HMMR: variants seen among roughly 807,000 people sequenced by gnomAD.
HMMR encodes intracellular hyaluronic acid-binding protein.
A neutral mutation model predicts 101.0 loss-of-function variants in HMMR; 108 were observed. The ratio of observed to expected loss-of-function variants is 1.07; its 90% confidence interval spans 0.92 to 1.25. HMMR has a LOEUF of 1.25. HMMR is among the 50% of genes most tolerant of loss of function. The probability of loss-of-function intolerance (pLI) is 0.00; values close to 1 mark genes in which losing one functional copy is unlikely to be tolerated. For synonymous variants in HMMR, 296 were observed against 276.4 expected (o/e 1.07, Z -0.70); for missense variants, 813 against 788.7 (o/e 1.03, Z -0.37).
At chr5:163,479,944 A>T (rs914044519) in intron 12 of HMMR, among the ~76,000 whole-genome samples, 4 of 152,164 alleles carry the variant, frequency 2.6e-5, no homozygotes, top group African/African-American at 9.7e-5. Flanking sequence ...ATGAATACCT[A>T]TATATTAATG....
intron 11 of HMMR, 65 bp from the exon 12 acceptor site, chr5:163,478,619 T>A: frequency 2.2e-6 from 2 of 906,916 alleles, no homozygotes; most frequent in Non-Finnish European, 1.9e-6. Flanking sequence ...AGGTAAATAC[T>A]ATTTTCTTTC....
At chr5:163,488,477 C>A (rs1249822071) in intron 16 of HMMR, among the ~76,000 whole-genome samples, 1 of 152,094 alleles carries the variant, frequency 6.6e-6, no homozygotes, top group Non-Finnish European at 1.5e-5. Context: ...GGGTACAGCT[C>A]CCCCTCCTTT....
intron 16 of HMMR, 36 bp downstream of exon 16, chr5:163,484,281 T>TG: frequency 8.9e-7 from 1 of 1,120,552 alleles, no homozygotes; most frequent in South Asian, 1.4e-5. Context: ...TTAAAGATAT[T>TG]GGAGTGGGGG....
At position 163,471,233 on chromosome 5, in the gene HMMR, T is replaced by G. The variant is rs998837479; in HGVS notation, c.511T>G (p.Leu171Val). ...GAATTTGAGAATTCTAAGCTTGGAG[T>G]TGATGAAACTTAGAAACAAAAGAGA... ...QKNLRILSLE[L>V]MKLRNKRETK... The change falls in exon 6 of 18, where the codon TTG becomes GTG. Residue 171 changes from leucine (L) to valine (V), a missense_variant. Leu to Val is a conservative substitution (Grantham distance 32, BLOSUM62 1). Coordinates refer to ENST00000393915, the MANE Select transcript of HMMR (RefSeq NM_001142556.2). 6 of 1,613,050 alleles carry G rather than the reference T, an allele frequency of 3.7e-6. No homozygotes were observed. The highest frequency in any genetic ancestry group is 4.2e-6 in the Non-Finnish European group (5 of 1,179,200).
Position 163,484,203 on chromosome 5 carries a change from G to A in HMMR, c.1920G>A (p.Lys640=). The change falls in exon 16 of 18, where the codon AAG becomes AAA. Residue 640 remains lysine (K), a synonymous_variant. Transcript: ENST00000393915. ...LGHQNLKQKI[K]HVVKLKDENS... ...ATCAGAATTTGAAACAAAAAATCAA[G>A]CATGTTGTGAAGTTGAAAGATGAAA... 6.2e-7 allele frequency: 1 copy of A among 1,602,994 alleles called. No homozygotes were observed. Among genetic ancestry groups the A allele is most frequent in the Non-Finnish European group, 8.5e-7 (1 of 1,175,456 alleles).
chr5:163,473,242 C>G lies in HMMR; in HGVS notation c.714C>G (p.Ile238Met), dbSNP rs373002206. The G allele has an allele frequency of 6.4e-7, 1 of 1,566,654 alleles. No homozygotes were observed. Among genetic ancestry groups the G allele is most frequent in the South Asian group, 1.1e-5 (1 of 89,052 alleles). The change falls in exon 8 of 18, where the codon ATC becomes ATG. Residue 238 changes from isoleucine (I) to methionine (M), a missense_variant. Physicochemically the swap from Ile to Met is conservative, Grantham distance 10. Coordinates refer to ENST00000393915, the MANE Select transcript of HMMR (RefSeq NM_001142556.2). ...KSETEKLLEYIEEISCASDQV... is the reference protein window; with the variant it reads ...KSETEKLLEYMEEISCASDQV... The stretch of plus-strand genomic sequence containing the variant: ...AAACAGAAAAACTCTTGGAATACAT[C>G]GAAGAAATTAGGTAATATGAGCAGT...
intron 5 of HMMR, among the ~76,000 whole-genome samples, chr5:163,470,548 G>A (rs1157160339): frequency 6.6e-6 from 1 of 152,070 alleles, no homozygotes; most frequent in Non-Finnish European, 1.5e-5. Context: ...GCTTGAACTC[G>A]GGAGGCTGAG....
intron 4 of HMMR, among the ~76,000 whole-genome samples, chr5:163,469,220 C>T (rs1344347933): frequency 4.0e-5 from 6 of 151,868 alleles, no homozygotes; most frequent in South Asian, 2.1e-4. Context: ...AAAAATTAGC[C>T]GGGTGTGGTG....
rs1202512576 is a variant in HMMR at position 163,471,345 on chromosome 5, G to A, written c.550-18G>A. 1.1e-5 allele frequency: 18 copies of A among 1,612,058 alleles called. No homozygotes were observed. The highest frequency in any genetic ancestry group is 1.5e-5 in the Non-Finnish European group (18 of 1,178,292). On this transcript the variant is annotated intron_variant, in intron 6 of 17. Coordinates refer to ENST00000393915, the MANE Select transcript of HMMR (RefSeq NM_001142556.2). ...TACAACTTTCTCATTTCCTAAAACA[G>A]GTATCTTTGTTGTGTAGGGTATGAT...
At chr5:163,479,354 T>C (rs1284860964) in intron 12 of HMMR, among the ~76,000 whole-genome samples, 4 of 152,200 alleles carry the variant, frequency 2.6e-5, no homozygotes, top group Non-Finnish European at 5.9e-5. Context: ...TATTAAAACA[T>C]GTTAATGTAC....
At chr5:163,490,702 G>A (rs10515860) in intron 17 of HMMR, 150 bp downstream of exon 17, 68,993 of 636,852 alleles carry the variant, frequency 0.11, 4,413 homozygotes, top group South Asian at 0.15. Flanking sequence ...TACAATGACT[G>A]TTTTCTTCCT....
Position 163,472,025 on chromosome 5 carries a change from C to T in HMMR, c.650+562C>T, listed in dbSNP as rs183248970. Among the ~76,000 whole-genome samples, 572 of 150,722 alleles carry T rather than the reference C, an allele frequency of 3.8e-3. 2 individuals are homozygous for T. Among genetic ancestry groups the T allele is most frequent in the African/African-American group, 5.5e-3 (226 of 40,770 alleles). ...CTTACATCATCATAAATTAGCTTTG[C>T]CTTTTTTTATTTATTATTATTATTA... On this transcript the variant is annotated intron_variant, in intron 7 of 17. Coordinates refer to ENST00000393915, the MANE Select transcript of HMMR (RefSeq NM_001142556.2).
At chr5:163,484,014 A>G in intron 15 of HMMR, 55 bp from the exon 16 acceptor site, 1 of 1,038,230 alleles carries the variant, frequency 9.6e-7, no homozygotes, top group Non-Finnish European at 1.4e-6. Flanking sequence ...TTTATATGAA[A>G]CTAGTAAGAT....
At chr5:163,473,006 A>G (rs1758944469) in intron 7 of HMMR, among the ~76,000 whole-genome samples, 173 bp from the exon 8 acceptor site, 1 of 152,180 alleles carries the variant, frequency 6.6e-6, no homozygotes, top group Non-Finnish European at 1.5e-5. Flanking sequence ...TAAAAATTTT[A>G]GTCTTCTATT....
chr5:163,474,328 T>G, intron 10 of HMMR, 123 bp downstream of exon 10: 1 of 719,546 alleles, frequency 1.4e-6, no homozygotes, highest in Non-Finnish European at 2.3e-6. Context: ...AGTCTTATCC[T>G]GAGGACATAA....
chr5:163,476,936 C>T (rs1267707125), intron 11 of HMMR, among the ~76,000 whole-genome samples: 1 of 152,080 alleles, frequency 6.6e-6, no homozygotes, highest in African/African-American at 2.4e-5. Flanking sequence ...GAGGCTGAGG[C>T]AGGAGAATTG....
At position 163,483,379 on chromosome 5, in the gene HMMR, A is replaced by C. The variant is rs1200623479; in HGVS notation, c.1785+12A>C. 7.2e-7 allele frequency: 1 copy of C among 1,390,368 alleles called. No individual in the cohort carries two copies. The highest frequency in any genetic ancestry group is 1.8e-5 in the Admixed American group (1 of 55,946). 86.1% of individuals were successfully genotyped at this position (1,390,368 alleles called of 1,614,324 possible). A position where few individuals can be genotyped will look rare whatever the true frequency, so the allele number is the denominator to read the frequency against. ...CAAAACCTTTTCAGGTTTGTCAGTT[A>C]GGAGTAAACTTACTTGTGTTTATTT... On this transcript the variant is annotated intron_variant, in intron 15 of 17. Coordinates refer to ENST00000393915, the MANE Select transcript of HMMR (RefSeq NM_001142556.2).
At chr5:163,467,955 A>G (rs1758754850) in intron 4 of HMMR, among the ~76,000 whole-genome samples, 1 of 152,236 alleles carries the variant, frequency 6.6e-6, no homozygotes, top group South Asian at 2.1e-4. Context: ...CAACGCCGAG[A>G]TTAAAGATAG....
chr5:163,477,365 T>C (rs1183557095), intron 11 of HMMR, among the ~76,000 whole-genome samples: 1 of 152,224 alleles, frequency 6.6e-6, no homozygotes, highest in Non-Finnish European at 1.5e-5. Flanking sequence ...GGGCTAGATA[T>C]GAGTTTGTAT....
Sources: allele counts gnomAD v4.1 joint callset (sites outside exome capture counted in the v4.1 genomes callset), GRCh38; gene constraint gnomAD v4.1.1; transcripts MANE v1.5; gene names NCBI Gene and HGNC (gene_info 2026-07-23, HGNC 2026-07-21).